Variants in SYCP2L observed in about 807,000 individuals in gnomAD.
SYCP2L encodes the protein synaptonemal complex protein 2 like.
Under a neutral mutation model 125.8 loss-of-function variants are expected in SYCP2L, and 98 were observed. That is an observed-to-expected ratio of 0.78 (90% CI 0.66 to 0.92). The LOEUF is 0.92. Among genes scored for constraint, SYCP2L ranks in the 40% least tolerant of loss-of-function variants. The pLI is 0.00. For synonymous variants in SYCP2L, 317 were observed against 325.4 expected, an observed-to-expected ratio of 0.97 and a Z score of 0.28; for missense variants, 842 against 936.4, an observed-to-expected ratio of 0.90 and a Z score of 1.32.
intron 29 of SYCP2L, among the ~76,000 whole-genome samples, chr6:10,964,383 ACAGGT>A (rs1456639406): frequency 1.3e-5 from 2 of 152,208 alleles, no homozygotes; most frequent in Non-Finnish European, 2.9e-5. Flanking sequence ...ACATAGAGAT[ACAGGT>A]TGAGTATCCC....
rs1581837795 is a variant in SYCP2L, at chr6:10,943,175, A to G, written c.1954+429A>G. ...TTAAAACTTCTGAGTTCATTTACTC[A>G]TGTTAACAGTGGTATGAAGATTTCC... is the stretch of plus-strand genomic sequence containing the variant. On this transcript the variant is annotated intron_variant, in intron 23 of 29. Coordinates refer to ENST00000283141, the MANE Select transcript of SYCP2L (RefSeq NM_001040274.3). Among the ~76,000 whole-genome samples, 3 of 152,342 alleles carry G rather than the reference A, an allele frequency of 2.0e-5. No homozygotes were observed. The East Asian group carries it at 5.8e-4, about 29-fold the overall frequency.
chr6:10,895,816 T>G (rs1437511834), intron 4 of SYCP2L, among the ~76,000 whole-genome samples: 1 of 151,962 alleles, frequency 6.6e-6, no homozygotes, highest in Non-Finnish European at 1.5e-5. Context: ...ACAACTGTGT[T>G]TGCAGACTGA....
At chr6:10,963,122 C>T (rs1781620921) in intron 28 of SYCP2L, among the ~76,000 whole-genome samples, 1 of 152,224 alleles carries the variant, frequency 6.6e-6, no homozygotes, top group African/African-American at 2.4e-5. Flanking sequence ...ATGTTAATTA[C>T]TATTTGCATT....
chr6:10,930,636 C>T, intron 19 of SYCP2L, 122 bp downstream of exon 19: 1 of 1,172,636 alleles, frequency 8.5e-7, no homozygotes, highest in South Asian at 1.4e-5. Context: ...GGCCAGCTTT[C>T]CCTGCTACAG....
chr6:10,966,787 A>T (rs68148747), intron 29 of SYCP2L, among the ~76,000 whole-genome samples: 69,585 of 152,066 alleles, frequency 0.46, 16,436 homozygotes, highest in East Asian at 0.69. Context: ...GAAAGACTAG[A>T]TGCAGTAAAC....
chr6:10,931,586 T>C (rs1283285575), intron 20 of SYCP2L, 97 bp downstream of exon 20: 1 of 1,226,794 alleles, frequency 8.2e-7, no homozygotes, highest in East Asian at 2.4e-5. Context: ...TAACAAAATA[T>C]TGGTTTACTG....
At chr6:10,891,615 G>C (rs200646991) in intron 2 of SYCP2L, 34 bp downstream of exon 2, 248 of 5,438 alleles carry the variant, frequency 0.046, 4 homozygotes, top group Middle Eastern at 0.28. Flanking sequence ...ATCTCTCTCT[G>C]TGTGTGTGTG....
chr6:10,894,134 T>G lies in SYCP2L; in HGVS notation c.266T>G (p.Ile89Ser), dbSNP rs766056222. The change falls in exon 4 of 30, where the codon ATT (isoleucine) becomes AGT (serine). Residue 89 changes from isoleucine (I) to serine (S), a missense_variant. Physicochemically the swap from Ile to Ser is moderately radical, Grantham distance 142. Coordinates refer to ENST00000283141, the MANE Select transcript of SYCP2L (RefSeq NM_001040274.3). The stretch of plus-strand genomic sequence containing the variant: ...TCTGTGTCACTGTTGCTGAAATGTA[T>G]TCAGCGATTCCTCGTAGATGGCCTG... The part of the protein sequence containing the change: ...FQSVSLLLKC[I>S]QRFLVDGLKE... The G allele has an allele frequency of 6.2e-7, 1 of 1,613,858 alleles. No homozygotes were observed. Among genetic ancestry groups the G allele is most frequent in the Non-Finnish European group, 8.5e-7 (1 of 1,179,930 alleles).
intron 8 of SYCP2L, 94 bp from the exon 9 acceptor site, chr6:10,905,926 C>T (rs1189213241): frequency 2.6e-6 from 2 of 776,606 alleles, no homozygotes; most frequent in Non-Finnish European, 4.2e-6. Flanking sequence ...GTTTCAGAAA[C>T]ATATACTTTG....
At chr6:10,940,815 T>C (rs1381708448) in intron 21 of SYCP2L, among the ~76,000 whole-genome samples, 3 of 152,166 alleles carry the variant, frequency 2.0e-5, no homozygotes, top group Admixed American at 2.0e-4. Context: ...TTACACCGTA[T>C]ATATGTATAT....
chr6:10,912,076 G>A lies in SYCP2L; in HGVS notation c.919-597G>A, dbSNP rs966705482. On this transcript the variant is annotated intron_variant, in intron 12 of 29. Coordinates refer to ENST00000283141, the MANE Select transcript of SYCP2L (RefSeq NM_001040274.3). The surrounding 1 kb of genome is among the most constrained non-coding windows in gnomAD (Gnocchi z 4.1). ...AGAAAACATCTGGGAGGAAACAAAG[G>A]CATTGTTAATGGTGCCTATGGAAAG... 1.3e-5 allele frequency among the ~76,000 whole-genome samples: 2 copies of A among 151,608 alleles called. No homozygotes were observed. The highest frequency in any genetic ancestry group is 2.9e-5 in the Non-Finnish European group (2 of 67,894).
chr6:10,956,392 A>G (rs978236175), intron 25 of SYCP2L, 150 bp downstream of exon 25: 2 of 622,346 alleles, frequency 3.2e-6, no homozygotes, highest in Admixed American at 5.9e-5. Flanking sequence ...AAGGGTGGTT[A>G]CCAGGGGTCA....
chr6:10,900,323 G>A (rs1014716809), intron 6 of SYCP2L, among the ~76,000 whole-genome samples: 4 of 144,884 alleles, frequency 2.8e-5, no homozygotes, highest in Admixed American at 6.8e-5. Flanking sequence ...TGGACAGAGA[G>A]CCAGAGCCAG....
intron 14 of SYCP2L, among the ~76,000 whole-genome samples, chr6:10,914,738 GTTT>G (rs34095541): frequency 6.1e-4 from 66 of 107,772 alleles, no homozygotes; most frequent in Middle Eastern, 8.8e-3. Context: ...ATATCCCTAA[GTTT>G]TTTTTTTTTT....
chr6:10,911,887 A>T (rs1780613379), intron 12 of SYCP2L, among the ~76,000 whole-genome samples: 1 of 104,344 alleles, frequency 9.6e-6, no homozygotes, highest in Non-Finnish European at 2.1e-5. Flanking sequence ...TTGTTGGGGA[A>T]TAAAAGCTTT....
intron 4 of SYCP2L, among the ~76,000 whole-genome samples, chr6:10,895,913 G>T (rs192545024): frequency 1.2e-3 from 179 of 152,302 alleles, no homozygotes; most frequent in African/African-American, 4.0e-3. Context: ...AGCACTTTGG[G>T]AGGTTGAGGT....
chr6:10,931,498 A>C lies in SYCP2L; in HGVS notation c.1683+9A>C. The C allele has an allele frequency of 6.2e-7, 1 of 1,613,830 alleles. No individual in the cohort carries two copies. The highest frequency in any genetic ancestry group is 8.5e-7 in the Non-Finnish European group (1 of 1,179,720). Reference sequence around the variant, plus strand: ...GCCATGAGAAAGACCAAGTAAGTACATTGTATCTGGGTTGCTGTGTGCCCT... The same window carrying C: ...GCCATGAGAAAGACCAAGTAAGTACCTTGTATCTGGGTTGCTGTGTGCCCT... On this transcript the variant is annotated intron_variant, in intron 20 of 29. Coordinates refer to ENST00000283141, the MANE Select transcript of SYCP2L (RefSeq NM_001040274.3).
chr6:10,926,996 G>T (rs1268637996), intron 16 of SYCP2L, among the ~76,000 whole-genome samples: 2 of 152,074 alleles, frequency 1.3e-5, no homozygotes, highest in Non-Finnish European at 2.9e-5. Flanking sequence ...GGCCAGGCTG[G>T]TCTCAAACTC....
At position 10,935,809 on chromosome 6, in the gene SYCP2L, T is replaced by C. The variant is rs77311800; in HGVS notation, c.1813+622T>C. The stretch of plus-strand genomic sequence containing the variant: ...CATGGCCAGACTTGATCCATATGGT[T>C]TCTGTTGTGACTATTCAACTCTGCA... On this transcript the variant is annotated intron_variant, in intron 21 of 29. Coordinates refer to ENST00000283141, the MANE Select transcript of SYCP2L (RefSeq NM_001040274.3). Among the ~76,000 whole-genome samples, 836 of 152,250 alleles carry C rather than the reference T, an allele frequency of 5.5e-3. 14 individuals carry two copies. The highest frequency in any genetic ancestry group is 0.019 in the African/African-American group (789 of 41,552).
Sources: gnomAD v4.1 joint callset for allele counts (sites outside exome capture counted in the v4.1 genomes callset) on GRCh38, gnomAD v4.1.1 for gene constraint, Gnocchi (gnomAD v3.1) non-coding constraint, MANE v1.5 for transcripts, NCBI Gene and HGNC (gene_info 2026-07-23, HGNC 2026-07-21) for gene names.